CLTC: variants seen among roughly 807,000 people sequenced by gnomAD.
CLTC encodes clathrin heavy chain.
In CLTC, 16 loss-of-function variants were observed where a neutral mutation model predicts 195.8. The ratio of observed to expected loss-of-function variants is 0.08; its 90% CI spans 0.06 to 0.12. The LOEUF is 0.12. Ranked by LOEUF, CLTC falls within the 10% of genes least tolerant of loss-of-function variation. The pLI is 1.00. For missense variants in CLTC, 796 were observed against 2,027.0 expected, an observed-to-expected ratio of 0.39 and a Z score of 11.66; for synonymous variants, 667 against 689.4, an observed-to-expected ratio of 0.97 and a Z score of 0.51.
In CLTC at chr17:59,648,856, T is replaced by C. The variant is rs1283774802; in HGVS notation, c.681+455T>C. ...GACTACAGGCATGTGCCACCATGCC[T>C]GGCTAAATTTTGTATTTTTGTAGAG... On this transcript the variant is annotated intron_variant, in intron 4 of 31. Coordinates refer to ENST00000269122, the MANE Select transcript of CLTC (RefSeq NM_004859.4). This position sits in a 1 kb window ranked among gnomAD's most constrained non-coding sequence, Gnocchi z 4.5. Among the ~76,000 whole-genome samples the C allele has an allele frequency of 6.6e-6, 1 of 152,114 alleles. No individual in the cohort carries two copies. The highest frequency in any genetic ancestry group is 1.5e-5 in the Non-Finnish European group (1 of 67,996).
intron 1 of CLTC, among the ~76,000 whole-genome samples, chr17:59,632,247 A>C (rs1411521175): frequency 6.6e-6 from 1 of 151,912 alleles, no homozygotes; most frequent in Non-Finnish European, 1.5e-5. Flanking sequence ...GGGTGCCTGT[A>C]GTCCCAGCTA....
At chr17:59,657,448 C>T (rs2032498097) in intron 6 of CLTC, among the ~76,000 whole-genome samples, 1 of 152,068 alleles carries the variant, frequency 6.6e-6, no homozygotes, top group Admixed American at 6.6e-5. Flanking sequence ...TTCAGATATT[C>T]AGTTATGAGT....
intron 2 of CLTC, among the ~76,000 whole-genome samples, chr17:59,645,154 A>C (rs1045134825): frequency 6.6e-6 from 1 of 152,348 alleles, no homozygotes; most frequent in South Asian, 2.1e-4. Context: ...TACTAATATT[A>C]GCACCTAAAC....
chr17:59,660,032 G>A (rs943209974), intron 6 of CLTC, among the ~76,000 whole-genome samples: 6 of 152,160 alleles, frequency 3.9e-5, no homozygotes, highest in African/African-American at 1.4e-4. Context: ...ATTATGTGGA[G>A]TTGTCTTTCA....
At chr17:59,644,523 GTTTTTGTTTT>G (rs773375636) in intron 2 of CLTC, 40 bp downstream of exon 2, 21 of 1,408,400 alleles carry the variant, frequency 1.5e-5, no homozygotes, top group African/African-American at 1.2e-4. Flanking sequence ...CTCTTCCTAT[GTTTTTGTTTT>G]TTTTTGTTTT....
At chr17:59,622,997 C>G (rs967044057) in intron 1 of CLTC, among the ~76,000 whole-genome samples, 1 of 152,154 alleles carries the variant, frequency 6.6e-6, no homozygotes, top group Non-Finnish European at 1.5e-5. Flanking sequence ...GAGCAAGATA[C>G]TGTTGGAATT....
intron 1 of CLTC, among the ~76,000 whole-genome samples, chr17:59,622,129 A>T (rs1342199353): frequency 6.6e-6 from 1 of 152,218 alleles, no homozygotes; most frequent in African/African-American, 2.4e-5. Context: ...TTGTAACTGG[A>T]TCAAAGTTTC....
At chr17:59,690,584 T>C in intron 30 of CLTC, 52 bp from the exon 31 acceptor site, 1 of 1,310,272 alleles carries the variant, frequency 7.6e-7, no homozygotes, top group Admixed American at 1.9e-5. Context: ...GCCATAAACC[T>C]AGGTTTATAA....
chr17:59,624,522 G>A (rs1484459711), intron 1 of CLTC, among the ~76,000 whole-genome samples: 2 of 135,738 alleles, frequency 1.5e-5, no homozygotes, highest in South Asian at 2.5e-4. Flanking sequence ...AGACTAGTGT[G>A]CAGTGGTGCG....
At position 59,666,057 on chromosome 17, in the gene CLTC, T is replaced by G; in HGVS notation, c.1645-46T>G. 3 of 1,423,996 alleles carry G rather than the reference T, an allele frequency of 2.1e-6. No homozygotes were observed. The highest frequency in any genetic ancestry group is 2.9e-6 in the Non-Finnish European group (3 of 1,025,944). 88.2% of individuals were successfully genotyped at this position (1,423,996 alleles called of 1,614,324 possible). A position where few individuals can be genotyped will look rare whatever the true frequency, so the allele number is the denominator to read the frequency against. On this transcript the variant is annotated intron_variant, in intron 10 of 31. Coordinates refer to ENST00000269122, the MANE Select transcript of CLTC (RefSeq NM_004859.4). The surrounding 1 kb of genome is among the most constrained non-coding windows in gnomAD (Gnocchi z 4.9). ...TTCATGCATAATTTTGTCTACATAC[T>G]CTCCATAGTATCTTAAAACAATTTC...
chr17:59,675,107 A>G lies in CLTC; in HGVS notation c.2561+264A>G, dbSNP rs572500585. On this transcript the variant is annotated intron_variant, in intron 16 of 31. Coordinates refer to ENST00000269122, the MANE Select transcript of CLTC (RefSeq NM_004859.4). Reference sequence around the variant, plus strand: ...AATTACAGCTATGTGGTTTGACTTTATATGTTTTTATATAAACTATGTACT... The same window carrying G: ...AATTACAGCTATGTGGTTTGACTTTGTATGTTTTTATATAAACTATGTACT... Among the ~76,000 whole-genome samples, 4 of 152,252 alleles carry G rather than the reference A, an allele frequency of 2.6e-5. No individual in the cohort carries two copies. In the East Asian group the frequency reaches 5.8e-4, roughly 22 times the overall value.
intron 28 of CLTC, chr17:59,684,645 A>C (rs2033141925): frequency 1.3e-5 from 2 of 153,486 alleles, no homozygotes; most frequent in Admixed American, 1.3e-4. Flanking sequence ...CTCTACTAAA[A>C]TACCAAAAAA....
chr17:59,665,032 C>G, intron 10 of CLTC, 123 bp downstream of exon 10: 1 of 1,284,008 alleles, frequency 7.8e-7, no homozygotes, highest in Non-Finnish European at 1.1e-6. Flanking sequence ...CAAGACCAGT[C>G]TGGGCAACAT....
At position 59,666,531 on chromosome 17, in the gene CLTC, C is replaced by A; in HGVS notation, c.1834C>A (p.His612Asn). The change falls in exon 12 of 32, where the codon CAT becomes AAT. Residue 612 changes from histidine (H) to asparagine (N), a missense_variant. Physicochemically the swap from His to Asn is moderately conservative, Grantham distance 68. Coordinates refer to ENST00000269122, the MANE Select transcript of CLTC (RefSeq NM_004859.4). The surrounding 1 kb of genome is among the most constrained non-coding windows in gnomAD (Gnocchi z 4.9). ...GATGTTCACACATTATGACCGGGCT[C>A]ATATTGCTCAACTGTGTGAAAAGGC... Reference protein sequence around the residue: ...NQMFTHYDRAHIAQLCEKAGL... With the variant: ...NQMFTHYDRANIAQLCEKAGL... 6.2e-7 allele frequency: 1 copy of A among 1,614,098 alleles called. No homozygotes were observed. The highest frequency in any genetic ancestry group is 8.5e-7 in the Non-Finnish European group (1 of 1,180,010).
intron 30 of CLTC, among the ~76,000 whole-genome samples, chr17:59,688,417 A>G (rs559776051): frequency 6.6e-6 from 1 of 152,244 alleles, no homozygotes; most frequent in East Asian, 1.9e-4. Context: ...AACTGAATTC[A>G]TTGACATGCT....
At chr17:59,625,904 T>C (rs1044867379) in intron 1 of CLTC, among the ~76,000 whole-genome samples, 2 of 152,200 alleles carry the variant, frequency 1.3e-5, no homozygotes, top group African/African-American at 2.4e-5. Flanking sequence ...CATACTTATC[T>C]CACAAAGTTA....
chr17:59,639,903 G>A (rs1271575270), intron 1 of CLTC, among the ~76,000 whole-genome samples: 1 of 151,886 alleles, frequency 6.6e-6, no homozygotes, highest in Non-Finnish European at 1.5e-5. Flanking sequence ...GGTCGAGGCT[G>A]CAGTGGTACC....
chr17:59,634,655 C>T (rs2031813555), intron 1 of CLTC, among the ~76,000 whole-genome samples: 1 of 151,916 alleles, frequency 6.6e-6, no homozygotes, highest in Non-Finnish European at 1.5e-5. Context: ...GTGATTCTCT[C>T]AAAGGCTAAC....
At chr17:59,637,155 A>G (rs564937680) in intron 1 of CLTC, among the ~76,000 whole-genome samples, 4 of 152,036 alleles carry the variant, frequency 2.6e-5, no homozygotes, top group Non-Finnish European at 5.9e-5. Flanking sequence ...AAACCAGTCC[A>G]TATTCATATT....
Sources: gnomAD v4.1 joint callset for allele counts (sites outside exome capture counted in the v4.1 genomes callset) on GRCh38, gnomAD v4.1.1 for gene constraint, Gnocchi (gnomAD v3.1) non-coding constraint, MANE v1.5 for transcripts, NCBI Gene and HGNC (gene_info 2026-07-23, HGNC 2026-07-21) for gene names.